The following TMEM132D variants were observed in gnomAD, a reference collection of about 807,000 sequenced individuals.
TMEM132D encodes transmembrane protein 132D.
A neutral mutation model predicts 62.3 loss-of-function variants in TMEM132D; 21 were observed. That is an observed-to-expected ratio of 0.34 (90% CI 0.24 to 0.49). The LOEUF is 0.49. Among genes scored for constraint, TMEM132D ranks in the 20% least tolerant of loss-of-function variants. The probability of loss-of-function intolerance (pLI) is 0.99; values close to 1 mark genes in which losing one functional copy is unlikely to be tolerated. For missense variants in TMEM132D, 1,346 were observed against 1,402.8 expected, an observed-to-expected ratio of 0.96 and a Z score of 0.65; for synonymous variants, 621 against 575.6, an observed-to-expected ratio of 1.08 and a Z score of -1.13.
At chr12:129,561,374 G>A (rs1339325059) in intron 2 of TMEM132D, among the ~76,000 whole-genome samples, 3 of 152,156 alleles carry the variant, frequency 2.0e-5, no homozygotes, top group Non-Finnish European at 4.4e-5. Flanking sequence ...TGGCAACAGA[G>A]ACCAATGTAT....
At chr12:129,676,226 T>A (rs1189885162) in intron 2 of TMEM132D, among the ~76,000 whole-genome samples, 2 of 152,308 alleles carry the variant, frequency 1.3e-5, no homozygotes, top group East Asian at 3.9e-4. Context: ...CAGGGAGGAA[T>A]GCTACTTGAG....
At chr12:129,346,361 A>AT (rs34490493) in intron 3 of TMEM132D, among the ~76,000 whole-genome samples, 115,443 of 143,654 alleles carry the variant, frequency 0.8, 44,435 homozygotes, top group East Asian at 0.98. Context: ...AGCAGTCTCT[A>AT]TTTGTTAATC....
intron 3 of TMEM132D, among the ~76,000 whole-genome samples, chr12:129,502,068 C>T (rs896941451): frequency 6.6e-6 from 1 of 151,914 alleles, no homozygotes; most frequent in African/African-American, 2.4e-5. Context: ...GGCACGGTCT[C>T]GACTCACTGC....
intron 1 of TMEM132D, among the ~76,000 whole-genome samples, chr12:129,861,773 A>AAG (rs398021644): frequency 6.6e-6 from 1 of 150,490 alleles, no homozygotes; most frequent in African/African-American, 2.4e-5. Context: ...AAAAAAAAAA[A>AAG]GGATTACCAG....
chr12:129,582,927 G>T (rs1246354990), intron 2 of TMEM132D, among the ~76,000 whole-genome samples: 1 of 147,844 alleles, frequency 6.8e-6, no homozygotes, highest in Admixed American at 6.7e-5. Context: ...GTCCAGCCGA[G>T]TTTGTTTTTT....
intron 3 of TMEM132D, among the ~76,000 whole-genome samples, chr12:129,472,741 C>T (rs1046697539): frequency 2.6e-5 from 4 of 152,236 alleles, no homozygotes; most frequent in South Asian, 2.1e-4. Context: ...AGGTTTTGAG[C>T]GGATTCTTCA....
intron 2 of TMEM132D, among the ~76,000 whole-genome samples, chr12:129,692,496 C>G (rs1881085443): frequency 6.6e-6 from 1 of 151,920 alleles, no homozygotes; most frequent in African/African-American, 2.4e-5. Context: ...GGGTATATAC[C>G]CAAAGGAATA....
chr12:129,742,484 C>T (rs1015235301), intron 1 of TMEM132D, among the ~76,000 whole-genome samples: 11 of 152,206 alleles, frequency 7.2e-5, no homozygotes, highest in Non-Finnish European at 1.5e-4. Flanking sequence ...ATGATCTAAA[C>T]GTCTCCCATC....
chr12:129,607,402 C>G (rs186941327), intron 2 of TMEM132D, among the ~76,000 whole-genome samples: 1 of 152,134 alleles, frequency 6.6e-6, no homozygotes, highest in Non-Finnish European at 1.5e-5. Flanking sequence ...AGAATTCCTA[C>G]GAAGGGTTGC....
intron 3 of TMEM132D, among the ~76,000 whole-genome samples, chr12:129,387,855 C>A (rs1464304007): frequency 8.9e-6 from 1 of 112,064 alleles, no homozygotes; most frequent in East Asian, 2.5e-4. Context: ...AATACTAACA[C>A]CAACACCAAT....
At chr12:129,457,643 T>C (rs1342587687) in intron 3 of TMEM132D, among the ~76,000 whole-genome samples, 2 of 152,016 alleles carry the variant, frequency 1.3e-5, no homozygotes, top group Admixed American at 6.6e-5. Flanking sequence ...ACAGGCCATA[T>C]GTGAAGCATG....
At chr12:129,511,444 T>A (rs1305102283) in intron 3 of TMEM132D, among the ~76,000 whole-genome samples, 1 of 152,226 alleles carries the variant, frequency 6.6e-6, no homozygotes, top group East Asian at 1.9e-4. Flanking sequence ...CTGTGGACAC[T>A]TGGGTTATTG....
At chr12:129,608,587 C>A (rs765168702) in intron 2 of TMEM132D, among the ~76,000 whole-genome samples, 1 of 152,146 alleles carries the variant, frequency 6.6e-6, no homozygotes, top group Non-Finnish European at 1.5e-5. Context: ...TCCTTGATAT[C>A]CACTGTTTCT....
chr12:129,893,128 G>A (rs1423454043), intron 1 of TMEM132D, among the ~76,000 whole-genome samples: 1 of 152,086 alleles, frequency 6.6e-6, no homozygotes. Context: ...GCCTGCCTCG[G>A]CCTCCCAAAG....
chr12:129,665,200 G>T (rs757168120), intron 2 of TMEM132D, among the ~76,000 whole-genome samples: 2 of 152,176 alleles, frequency 1.3e-5, no homozygotes, highest in East Asian at 1.9e-4. Context: ...GAGCAGGTGG[G>T]GGGGGCATCT....
At chr12:129,825,443 T>G (rs1307480718) in intron 1 of TMEM132D, among the ~76,000 whole-genome samples, 1 of 152,136 alleles carries the variant, frequency 6.6e-6, no homozygotes, top group African/African-American at 2.4e-5. Flanking sequence ...TACTCATCAA[T>G]TTATCTGCTA....
chr12:129,452,766 T>C (rs1873336390), intron 3 of TMEM132D, among the ~76,000 whole-genome samples: 1 of 152,160 alleles, frequency 6.6e-6, no homozygotes, highest in African/African-American at 2.4e-5. Flanking sequence ...TTTGCAGATT[T>C]TTCTGCCAAT....
rs111942814 is a variant in TMEM132D, at chr12:129,221,476, G to C, written c.1300-11813C>G. Among the ~76,000 whole-genome samples, 108 of 152,174 alleles carry C rather than the reference G, an allele frequency of 7.1e-4. 2 individuals are homozygous for C. The highest frequency in any genetic ancestry group is 2.5e-3 in the African/African-American group (105 of 41,498). On this transcript the variant is annotated intron_variant, in intron 4 of 8. Transcript: ENST00000422113. Reference sequence around the variant, plus strand: ...TCTATACCTAATCATTAAATTCTGGGCTGTCCTTCTGGGCAGCAGGATAGA... The same window carrying C: ...TCTATACCTAATCATTAAATTCTGGCCTGTCCTTCTGGGCAGCAGGATAGA...
chr12:129,084,972 G>A (rs1212429183), intron 5 of TMEM132D: 20 of 534,158 alleles, frequency 3.7e-5, no homozygotes, highest in East Asian at 2.6e-4. Context: ...CAGGGGCTGC[G>A]TGTGTTGCCG....
Sources: allele counts gnomAD v4.1 joint callset (sites outside exome capture counted in the v4.1 genomes callset), GRCh38; gene constraint gnomAD v4.1.1; transcripts MANE v1.5; gene names NCBI Gene and HGNC (gene_info 2026-07-23, HGNC 2026-07-21).